Variants in LGSN observed in about 807,000 individuals in gnomAD.
LGSN encodes the protein lengsin.
Under a neutral mutation model 19.5 loss-of-function variants are expected in LGSN, and 21 were observed. The observed-to-expected ratio is 1.07, with a 90% CI of 0.76 to 1.55. The LOEUF (loss-of-function observed/expected upper bound fraction) is 1.55. Among genes scored for constraint, LGSN ranks in the 40% most tolerant of loss-of-function variants. The pLI is 0.00. For missense variants in LGSN, 673 were observed against 608.5 expected, an observed-to-expected ratio of 1.11 and a Z score of -1.12; for synonymous variants, 257 against 215.6, an observed-to-expected ratio of 1.19 and a Z score of -1.68.
the LGSN span, among the ~76,000 whole-genome samples, chr6:63,524,306 C>T: frequency 1.3e-5 from 2 of 151,964 alleles, no homozygotes; most frequent in Non-Finnish European, 2.9e-5. Context: ...TTTAATCTAG[C>T]TTATAAAGTG....
At chr6:63,506,784 T>C in the LGSN span, among the ~76,000 whole-genome samples, 1 of 152,230 alleles carries the variant, frequency 6.6e-6, no homozygotes. Context: ...GAGCTACCAC[T>C]GAACATATAT....
At chr6:63,353,791 A>C in the LGSN span, among the ~76,000 whole-genome samples, 1 of 152,116 alleles carries the variant, frequency 6.6e-6, no homozygotes, top group Non-Finnish European at 1.5e-5. Context: ...GTGATACAAA[A>C]ACTGACACAT....
chr6:63,323,348 T>G (rs755279814), upstream of LGSN, among the ~76,000 whole-genome samples: 5 of 152,136 alleles, frequency 3.3e-5, no homozygotes, highest in Admixed American at 1.3e-4. Flanking sequence ...ATCACCGGAA[T>G]AGTATACATT....
At chr6:63,341,177 A>G in the LGSN span, among the ~76,000 whole-genome samples, 1 of 152,144 alleles carries the variant, frequency 6.6e-6, no homozygotes, top group Non-Finnish European at 1.5e-5. Flanking sequence ...GGAAGTGCAT[A>G]TAGGTATCAG....
the LGSN span, among the ~76,000 whole-genome samples, chr6:63,414,714 A>G: frequency 9.6e-4 from 146 of 152,352 alleles, 1 homozygote; most frequent in African/African-American, 3.5e-3. Context: ...CAGGAATTCA[A>G]GACCAGCCTG....
chr6:63,293,725 G>A (rs756547707), intron 2 of LGSN: 14 of 456,556 alleles, frequency 3.1e-5, no homozygotes, highest in South Asian at 1.9e-4. Flanking sequence ...GGGGGCAAAG[G>A]TTTTATCACT....
chr6:63,475,642 A>G, the LGSN span, among the ~76,000 whole-genome samples: 1 of 152,222 alleles, frequency 6.6e-6, no homozygotes, highest in African/African-American at 2.4e-5. Context: ...AGTATGCCAG[A>G]TAGTGGGCAG....
chr6:63,562,423 T>A, the LGSN span, among the ~76,000 whole-genome samples: 3 of 152,198 alleles, frequency 2.0e-5, no homozygotes, highest in Non-Finnish European at 2.9e-5. Context: ...GGTCTCGAAC[T>A]CCCGACCTCA....
chr6:63,414,868 T>C, the LGSN span, among the ~76,000 whole-genome samples: 2 of 151,564 alleles, frequency 1.3e-5, no homozygotes, highest in Non-Finnish European at 2.9e-5. Flanking sequence ...TGAGCCAAGG[T>C]TATGCCACTA....
chr6:63,420,094 T>A, the LGSN span, among the ~76,000 whole-genome samples: 2 of 151,032 alleles, frequency 1.3e-5, no homozygotes, highest in African/African-American at 2.4e-5. Flanking sequence ...TCCCAGCTAC[T>A]CTGGAGGCTG....
At chr6:63,550,656 C>T in the LGSN span, among the ~76,000 whole-genome samples, 22 of 151,924 alleles carry the variant, frequency 1.4e-4, no homozygotes, top group Non-Finnish European at 3.1e-4. Context: ...ACAGGGTCTC[C>T]CTCTGTTGCC....
chr6:63,288,895 T>A (rs190182961), intron 2 of LGSN, among the ~76,000 whole-genome samples: 1 of 152,382 alleles, frequency 6.6e-6, no homozygotes, highest in African/African-American at 2.4e-5. Context: ...AAAGAACGTA[T>A]CTCCAAATTC....
the LGSN span, chr6:63,395,061 G>A: frequency 7.7e-4 from 120 of 156,170 alleles, no homozygotes; most frequent in East Asian, 3.6e-3. Flanking sequence ...AAAGTGTGGG[G>A]CTGCCTGCCC....
chr6:63,551,022 GT>G, the LGSN span, among the ~76,000 whole-genome samples: 8 of 151,664 alleles, frequency 5.3e-5, no homozygotes, highest in African/African-American at 1.2e-4. Context: ...ATGTTGATAG[GT>G]TTTTTTTATT....
At chr6:63,519,595 G>A in the LGSN span, among the ~76,000 whole-genome samples, 6 of 152,188 alleles carry the variant, frequency 3.9e-5, no homozygotes, top group East Asian at 7.7e-4. Context: ...CTTGGCACAA[G>A]CTTATTTCCT....
chr6:63,499,477 T>G, the LGSN span, among the ~76,000 whole-genome samples: 29 of 152,086 alleles, frequency 1.9e-4, no homozygotes, highest in African/African-American at 7.0e-4. Flanking sequence ...TTGCTATGGG[T>G]GGGGCTTTAA....
At chr6:63,440,162 A>T in the LGSN span, among the ~76,000 whole-genome samples, 90,590 of 151,884 alleles carry the variant, frequency 0.6, 27,346 homozygotes, top group African/African-American at 0.65. Flanking sequence ...CAGCCAAGGG[A>T]CCCTGGGGAA....
At chr6:63,303,334 A>G (rs928900439) in intron 1 of LGSN, among the ~76,000 whole-genome samples, 6 of 152,236 alleles carry the variant, frequency 3.9e-5, no homozygotes, top group Non-Finnish European at 8.8e-5. Context: ...TAGCTAAAAT[A>G]GCTTAACGGT....
At chr6:63,512,870 C>T in the LGSN span, among the ~76,000 whole-genome samples, 1 of 152,342 alleles carries the variant, frequency 6.6e-6, no homozygotes. Context: ...TCACTCTATT[C>T]TTTCAGCAAA....
Sources: gnomAD v4.1 joint callset for allele counts (sites outside exome capture counted in the v4.1 genomes callset) on GRCh38, gnomAD v4.1.1 for gene constraint, MANE v1.5 for transcripts, NCBI Gene and HGNC (gene_info 2026-07-23, HGNC 2026-07-21) for gene names.